The following RFESD variants were observed in gnomAD, a reference collection of about 807,000 sequenced individuals.
RFESD encodes the protein Rieske domain-containing protein.
In RFESD, 16 loss-of-function variants were observed where a neutral mutation model predicts 24.4. The observed-to-expected ratio is 0.66, with a 90% CI of 0.44 to 1.00. The LOEUF (loss-of-function observed/expected upper bound fraction) is 1.00, where lower values mean the gene tolerates loss of function less well. Ranked by LOEUF, RFESD falls within the 50% of genes least tolerant of loss-of-function variation. The pLI, the probability that RFESD is intolerant of heterozygous loss-of-function variation, is 0.00. For missense variants in RFESD, 208 were observed against 247.0 expected (o/e 0.84, Z 1.06); for synonymous variants, 59 against 81.8 (o/e 0.72, Z 1.50).
rs1561389484 is a variant in RFESD, at chr5:95,656,261, T to G, written c.585T>G (p.Ser195=). 2 of 1,613,198 alleles carry G rather than the reference T, an allele frequency of 1.2e-6. No homozygotes were observed. Residue 195 remains serine, a synonymous_variant, in exon 6 of 6, where the codon TCT becomes TCG. Coordinates refer to ENST00000380005, the MANE Select transcript of RFESD (RefSeq NM_001131066.2). The part of the protein sequence containing the change: ...TLSNEPFKCD[S]DFYATGDFKV... ...CTAATGAACCTTTTAAGTGTGACTC[T>G]GATTTTTATGCCACTGGAGACTTCA...
intron 1 of RFESD, among the ~76,000 whole-genome samples, chr5:95,651,600 A>G (rs1235317998): frequency 6.6e-6 from 1 of 152,058 alleles, no homozygotes; most frequent in African/African-American, 2.4e-5. Context: ...GGGTCTCAGT[A>G]TGTTGCCTAG....
Position 95,656,400 on chromosome 5 carries a change from C to A in RFESD, c.*91C>A. On this transcript the variant is annotated 3_prime_UTR_variant, in exon 6 of 6. Transcript: ENST00000380005. ...CAGTTTTAAAGGTGATGAAATTTTT[C>A]AACATAGGCACAACTGTTTAAAATT... 1 of 981,044 alleles carries A rather than the reference C, an allele frequency of 1.0e-6. No individual in the cohort carries two copies. Among genetic ancestry groups the A allele is most frequent in the Non-Finnish European group, 1.5e-6 (1 of 664,286 alleles). The allele number at this position is 981,044 out of a possible 1,614,324, so 60.8% of individuals were successfully genotyped here.
At chr5:95,649,093 A>C (rs1271815831) in intron 1 of RFESD, among the ~76,000 whole-genome samples, 1 of 151,810 alleles carries the variant, frequency 6.6e-6, no homozygotes, top group African/African-American at 2.4e-5. Context: ...ACATAAATAT[A>C]CATTAGGATA....
chr5:95,654,230 T>C lies in RFESD; in HGVS notation c.328T>C (p.Cys110Arg). The C allele has an allele frequency of 6.2e-7, 1 of 1,611,958 alleles. No individual in the cohort carries two copies. The highest frequency in any genetic ancestry group is 8.5e-7 in the Non-Finnish European group (1 of 1,179,130). ...KGEYHAMDIR[C>R]YHSGGPLHLG... Reference sequence around the variant, plus strand: ...AGAATATCATGCTATGGATATTCGCTGTTACCGTAAGATTTTATTTTTCAT... The same window carrying C: ...AGAATATCATGCTATGGATATTCGCCGTTACCGTAAGATTTTATTTTTCAT... Residue 110 changes from cysteine (C) to arginine (R), a missense_variant, in exon 4 of 6, where the codon TGT becomes CGT. Coordinates refer to ENST00000380005, the MANE Select transcript of RFESD (RefSeq NM_001131066.2).
At chr5:95,649,022 A>G (rs1471168971) in intron 1 of RFESD, among the ~76,000 whole-genome samples, 1 of 151,472 alleles carries the variant, frequency 6.6e-6, no homozygotes, top group Non-Finnish European at 1.5e-5. Context: ...GCACAGGCAC[A>G]TTCTCTGAGG....
chr5:95,653,949 G>C (rs1750537479), intron 3 of RFESD, 112 bp from the exon 4 acceptor site: 1 of 679,700 alleles, frequency 1.5e-6, no homozygotes, highest in African/African-American at 1.8e-5. Context: ...TACAGAAAGT[G>C]CCTCCATTAA....
chr5:95,652,816 G>A (rs924840803), intron 2 of RFESD: 13 of 347,800 alleles, frequency 3.7e-5, no homozygotes, highest in Admixed American at 1.4e-4. Flanking sequence ...AACCCCCTGC[G>A]GCAAGCCACC....
At chr5:95,648,612 A>G (rs972414830) in intron 1 of RFESD, among the ~76,000 whole-genome samples, 32 of 152,166 alleles carry the variant, frequency 2.1e-4, no homozygotes, top group Admixed American at 5.2e-4. Flanking sequence ...TTTGACATAT[A>G]AAATTATACT....
chr5:95,650,253 A>C (rs1300534150), intron 1 of RFESD, among the ~76,000 whole-genome samples: 1 of 152,268 alleles, frequency 6.6e-6, no homozygotes, highest in Non-Finnish European at 1.5e-5. Flanking sequence ...CAGAATTAAA[A>C]ATGCAAACTT....
chr5:95,654,081 C>A lies in RFESD; in HGVS notation c.179C>A (p.Ala60Glu), dbSNP rs778691566. The part of the protein sequence containing the change: ...FYLSMNLDGS[A>E]QDPEKREYSS... ...ACTAGCATGAATCTTGATGGCTCTG[C>A]ACAAGATCCTGAAAAGAGGGAATAT... is the stretch of plus-strand genomic sequence containing the variant. The change falls in exon 4 of 6, where the codon GCA (alanine) becomes GAA (glutamate). Residue 60 changes from alanine (A) to glutamate (E), a missense_variant. Coordinates refer to ENST00000380005, the MANE Select transcript of RFESD (RefSeq NM_001131066.2). 44 of 1,610,736 alleles carry A rather than the reference C, an allele frequency of 2.7e-5. No homozygotes were observed. Among genetic ancestry groups the A allele is most frequent in the Non-Finnish European group, 3.6e-5 (42 of 1,179,514 alleles).
rs551359213 is a variant in RFESD, at chr5:95,657,001, C to A, written c.*692C>A. 1.3e-5 allele frequency: 2 copies of A among 152,280 alleles called. No homozygotes were observed. Among genetic ancestry groups the A allele is most frequent in the East Asian group, 3.9e-4 (2 of 5,186 alleles). 9.4% of individuals were successfully genotyped at this position (152,280 alleles called of 1,614,324 possible). A position where few individuals can be genotyped will look rare whatever the true frequency, so the allele number is the denominator to read the frequency against. ...AGAAACTTAACCACTGTTAAGTGAT[C>A]TGTGATCAAGGCAGATCTTGAAGTA... On this transcript the variant is annotated 3_prime_UTR_variant, in exon 6 of 6. Coordinates refer to ENST00000380005, the MANE Select transcript of RFESD (RefSeq NM_001131066.2).
intron 2 of RFESD, 27 bp from the exon 3 acceptor site, chr5:95,653,090 A>C (rs879672689): frequency 3.4e-5 from 52 of 1,550,320 alleles, no homozygotes; most frequent in Non-Finnish European, 4.4e-5. Flanking sequence ...TCTTTCCTTC[A>C]GGCTTTTGTA....
intron 2 of RFESD, chr5:95,652,908 A>G (rs213509): frequency 0.39 from 230,192 of 593,578 alleles, 46,653 homozygotes; most frequent in African/African-American, 0.56. Context: ...CAGAGCCGGG[A>G]GCATTCTTTC....
At chr5:95,648,327 T>G (rs923307151) in intron 1 of RFESD, among the ~76,000 whole-genome samples, 1 of 152,214 alleles carries the variant, frequency 6.6e-6, no homozygotes, top group Admixed American at 6.5e-5. Context: ...TTCAGGGGGA[T>G]GTTTTCAACT....
intron 1 of RFESD, 93 bp from the exon 2 acceptor site, chr5:95,652,044 C>T (rs944137811): frequency 4.9e-5 from 20 of 409,674 alleles, no homozygotes; most frequent in African/African-American, 1.2e-4. Flanking sequence ...CTAAGAACCT[C>T]GAGTTTTCTT....
intron 1 of RFESD, among the ~76,000 whole-genome samples, chr5:95,649,389 A>G (rs1455406396): frequency 3.9e-5 from 6 of 152,194 alleles, no homozygotes; most frequent in Non-Finnish European, 8.8e-5. Context: ...TTGAATGAAC[A>G]TACACATTTT....
At position 95,652,966 on chromosome 5, in the gene RFESD, T is replaced by C. The variant is rs751304940; in HGVS notation, c.61-151T>C. 6.7e-5 allele frequency: 71 copies of C among 1,061,078 alleles called. No individual in the cohort carries two copies. In the Middle Eastern group the frequency reaches 2.5e-3, roughly 38 times the overall value. The allele number at this position is 1,061,078 out of a possible 1,614,324, so 65.7% of individuals were successfully genotyped here. ...TCCTGCTTTATACTCTTCAGTGGCTTTCCTTTGCTCTTAGAGTAAAATCCA... is the reference window on the plus strand; with the variant it reads ...TCCTGCTTTATACTCTTCAGTGGCTCTCCTTTGCTCTTAGAGTAAAATCCA... On this transcript the variant is annotated intron_variant, in intron 2 of 5. Coordinates refer to ENST00000380005, the MANE Select transcript of RFESD (RefSeq NM_001131066.2).
rs1750745424 is a variant in RFESD at position 95,656,159 on chromosome 5, C to CA, written c.485dup (p.Trp163ValfsTer26). Reference sequence around the variant, plus strand: ...ACCCTAAAGATCCATCAGCAAAACCCAAGTGGTGCTCCAAAGGAATAAAGC... The same window carrying CA: ...ACCCTAAAGATCCATCAGCAAAACCCAAAGTGGTGCTCCAAAGGAATAAAGC... On this transcript the variant is annotated frameshift_variant, in exon 6 of 6. Transcript: ENST00000380005. LOFTEE classifies it high-confidence loss of function. The CA allele has an allele frequency of 6.2e-7, 1 of 1,613,858 alleles. No individual in the cohort carries two copies. Among genetic ancestry groups the CA allele is most frequent in the East Asian group, 2.2e-5 (1 of 44,890 alleles).
chr5:95,648,190 T>C (rs1475106186), intron 1 of RFESD: 1 of 152,232 alleles, frequency 6.6e-6, no homozygotes, highest in Non-Finnish European at 1.5e-5. Flanking sequence ...GAAAGGAATC[T>C]AATAGTGACC....
Sources: gnomAD v4.1 joint callset for allele counts (sites outside exome capture counted in the v4.1 genomes callset) on GRCh38, gnomAD v4.1.1 for gene constraint, MANE v1.5 for transcripts, NCBI Gene and HGNC (gene_info 2026-07-23, HGNC 2026-07-21) for gene names.